ADAMTSL1: variants seen among roughly 807,000 people sequenced by gnomAD.
ADAMTSL1 encodes ADAMTS like 1, also known as ADAMTS-like protein 1.
ADAMTSL1 carries 126 observed loss-of-function variants against 201.8 expected under a neutral mutation model. The observed-to-expected ratio is 0.62, with a 90% CI of 0.54 to 0.72. The LOEUF is 0.72. Ranked by LOEUF, ADAMTSL1 falls within the 30% of genes least tolerant of loss-of-function variation. The pLI is 0.00. For missense variants in ADAMTSL1, 2,679 were observed against 2,277.8 expected, an observed-to-expected ratio of 1.18 and a Z score of -3.59; for synonymous variants, 1,121 against 903.4, an observed-to-expected ratio of 1.24 and a Z score of -4.32.
chr9:18,503,440 T>TATATATATAC (rs1304107760), intron 1 of ADAMTSL1, among the ~76,000 whole-genome samples: 3 of 148,278 alleles, frequency 2.0e-5, no homozygotes, highest in Admixed American at 1.4e-4. Context: ...TATATATATA[T>TATATATATAC]ACCACATTTT....
At chr9:18,592,478 C>T (rs1414103061) in intron 4 of ADAMTSL1, among the ~76,000 whole-genome samples, 1 of 152,156 alleles carries the variant, frequency 6.6e-6, no homozygotes, top group Non-Finnish European at 1.5e-5. Context: ...TGCAACTTCT[C>T]ATGTAGTTGT....
Position 18,681,864 on chromosome 9 carries a change from A to C in ADAMTSL1, c.1394A>C (p.Asp465Ala). ...GLRYRVVLCI[D>A]HRGMHTGGCS... is the part of the protein sequence containing the mutation. ...AGATACCGTGTGGTCCTCTGCATCG[A>C]CCATCGAGGAATGCACACAGGAGGC... Residue 465 changes from aspartate (D) to alanine (A), a missense_variant, in exon 12 of 29, where the codon GAC (aspartate) becomes GCC (alanine). Coordinates refer to ENST00000380548, the MANE Select transcript of ADAMTSL1 (RefSeq NM_001040272.6). 1.2e-6 allele frequency: 2 copies of C among 1,614,066 alleles called. No individual in the cohort carries two copies. The highest frequency in any genetic ancestry group is 1.7e-6 in the Non-Finnish European group (2 of 1,179,918).
At chr9:18,769,695 C>CT (rs1348112842) in intron 16 of ADAMTSL1, among the ~76,000 whole-genome samples, 1 of 152,208 alleles carries the variant, frequency 6.6e-6, no homozygotes, top group Non-Finnish European at 1.5e-5. Flanking sequence ...GCCACACCAT[C>CT]TTTTTGGGCA....
At chr9:17,994,341 C>G (rs1377516639) in intron 1 of ADAMTSL1, among the ~76,000 whole-genome samples, 3 of 152,020 alleles carry the variant, frequency 2.0e-5, no homozygotes, top group Non-Finnish European at 4.4e-5. Flanking sequence ...TTTTTACTAA[C>G]TGTGCAATCA....
rs1217945861 is a variant in ADAMTSL1 at position 18,829,882 on chromosome 9, C to A, written c.4154C>A (p.Ala1385Asp). Residue 1385 changes from alanine (A) to aspartate (D), a missense_variant, in exon 23 of 29, where the codon GCC (alanine) becomes GAC (aspartate). Ala to Asp is a moderately radical substitution (Grantham distance 126). Coordinates refer to ENST00000380548, the MANE Select transcript of ADAMTSL1 (RefSeq NM_001040272.6). ...CCCACACAGTTGGAAGACATCAGGG[C>A]CTTGCTCGCTGCCACTGGACCGAAC... is the stretch of plus-strand genomic sequence containing the variant. Reference protein sequence around the residue: ...QVPTQLEDIRALLAATGPNLP... With the variant: ...QVPTQLEDIRDLLAATGPNLP... 6.2e-7 allele frequency: 1 copy of A among 1,613,978 alleles called. No homozygotes were observed. The highest frequency in any genetic ancestry group is 1.3e-5 in the African/African-American group (1 of 75,040).
At chr9:17,955,502 C>T (rs1469576677) in intron 1 of ADAMTSL1, among the ~76,000 whole-genome samples, 1 of 152,154 alleles carries the variant, frequency 6.6e-6, no homozygotes, top group East Asian at 1.9e-4. Flanking sequence ...TTCAGTCACC[C>T]ACGGTCAGCT....
At chr9:18,785,503 C>T (rs1821657626) in intron 19 of ADAMTSL1, among the ~76,000 whole-genome samples, 1 of 152,218 alleles carries the variant, frequency 6.6e-6, no homozygotes, top group Non-Finnish European at 1.5e-5. Flanking sequence ...TTGTGTGTGT[C>T]TGTGACTGCA....
chr9:18,144,655 A>G (rs565602474), intron 1 of ADAMTSL1, among the ~76,000 whole-genome samples: 2 of 152,160 alleles, frequency 1.3e-5, no homozygotes, highest in South Asian at 4.1e-4. Flanking sequence ...TTTTGGTTGG[A>G]TTAAAACGAA....
At chr9:18,172,115 C>T (rs1011728895) in intron 2 of ADAMTSL1, among the ~76,000 whole-genome samples, 3 of 24,762 alleles carry the variant, frequency 1.2e-4, no homozygotes, top group Non-Finnish European at 2.3e-4. Context: ...ACATCAAACA[C>T]GGGGGCTTGT....
intron 1 of ADAMTSL1, among the ~76,000 whole-genome samples, chr9:18,094,322 C>T (rs1436009089): frequency 1.3e-5 from 2 of 152,172 alleles, no homozygotes; most frequent in Non-Finnish European, 2.9e-5. Flanking sequence ...CTTTATCTGC[C>T]TCTATCTCTA....
chr9:18,513,202 C>G (rs1204495070), intron 2 of ADAMTSL1, among the ~76,000 whole-genome samples: 2 of 152,090 alleles, frequency 1.3e-5, no homozygotes, highest in African/African-American at 4.8e-5. Flanking sequence ...TTGAAGTGTT[C>G]TATACAGTAT....
At chr9:18,395,857 A>C (rs1429107548) in intron 2 of ADAMTSL1, among the ~76,000 whole-genome samples, 3 of 152,202 alleles carry the variant, frequency 2.0e-5, no homozygotes, top group African/African-American at 7.2e-5. Flanking sequence ...TAAAATTTAC[A>C]AATATGTCAT....
rs150469111 is a variant in ADAMTSL1, at chr9:18,743,703, C to A, written c.2007-9595C>A. On this transcript the variant is annotated intron_variant, in intron 15 of 28. Transcript: ENST00000380548. ...GTGCAAGTTACTGTTTGATAGACAG[C>A]CCCCGATTCTCATGGTGTGATTTAT... Among the ~76,000 whole-genome samples, 263 of 152,252 alleles carry A rather than the reference C, an allele frequency of 1.7e-3. 1 individual carries two copies. The highest frequency in any genetic ancestry group is 6.2e-3 in the African/African-American group (256 of 41,558).
At chr9:18,635,777 T>C (rs1002911495) in intron 5 of ADAMTSL1, among the ~76,000 whole-genome samples, 166 bp from the exon 6 acceptor site, 17 of 152,218 alleles carry the variant, frequency 1.1e-4, no homozygotes, top group Admixed American at 2.0e-4. Flanking sequence ...ATATTTTATT[T>C]TGAGCAAAGT....
At chr9:18,875,642 T>A (rs1161701502) in intron 23 of ADAMTSL1, among the ~76,000 whole-genome samples, 1 of 152,182 alleles carries the variant, frequency 6.6e-6, no homozygotes, top group Admixed American at 6.5e-5. Flanking sequence ...TTTCTTAAAT[T>A]TACTGAGACT....
chr9:17,952,831 C>G (rs1298677530), intron 1 of ADAMTSL1, among the ~76,000 whole-genome samples: 3 of 152,092 alleles, frequency 2.0e-5, no homozygotes, highest in South Asian at 2.1e-4. Context: ...CCAGCCACTA[C>G]CATGTTTTAG....
intron 1 of ADAMTSL1, among the ~76,000 whole-genome samples, chr9:17,913,352 T>A (rs1825964496): frequency 6.6e-6 from 1 of 152,222 alleles, no homozygotes; most frequent in Non-Finnish European, 1.5e-5. Context: ...TCCATTTGTT[T>A]GTATCCTCTT....
intron 2 of ADAMTSL1, among the ~76,000 whole-genome samples, chr9:18,300,059 C>G (rs12349943): frequency 0.12 from 17,878 of 152,156 alleles, 1,141 homozygotes; most frequent in East Asian, 0.21. Context: ...GTGGCAATTC[C>G]TCAAGGATCT....
At chr9:18,213,176 C>T (rs900046919) in intron 2 of ADAMTSL1, among the ~76,000 whole-genome samples, 7 of 152,164 alleles carry the variant, frequency 4.6e-5, no homozygotes, top group Admixed American at 4.6e-4. Flanking sequence ...CCTCTTTCCC[C>T]TCCTTGGAAT....
Sources: gnomAD v4.1 joint callset for allele counts (sites outside exome capture counted in the v4.1 genomes callset) on GRCh38, gnomAD v4.1.1 for gene constraint, MANE v1.5 for transcripts, NCBI Gene and HGNC (gene_info 2026-07-23, HGNC 2026-07-21) for gene names.